Variants in PAX2 observed in about 807,000 individuals in gnomAD.
The protein encoded by PAX2 is paired box 2.
Under a neutral mutation model 41.7 loss-of-function variants are expected in PAX2, and 9 were observed. That is an observed-to-expected ratio of 0.22 (90% CI 0.13 to 0.38). The LOEUF is 0.38. Among genes scored for constraint, PAX2 ranks in the 10% least tolerant of loss-of-function variants. PAX2 has a pLI of 1.00. For missense variants in PAX2, 418 were observed against 531.6 expected (o/e 0.79, Z 2.10); for synonymous variants, 221 against 212.7 (o/e 1.04, Z -0.34).
chr10:100,793,580 A>T (rs551228549), intron 5 of PAX2, among the ~76,000 whole-genome samples: 2 of 152,308 alleles, frequency 1.3e-5, no homozygotes, highest in Admixed American at 1.3e-4. Flanking sequence ...ATTCAAAGTG[A>T]GGAAAGTAAA....
chr10:100,824,569 C>A lies in PAX2; in HGVS notation c.920-79C>A, dbSNP rs1328207991. The stretch of plus-strand genomic sequence containing the variant: ...GCTCTTTCCTCTCCAAGAGTTTCCT[C>A]TCCGTGCAGTACCCTGGTGTGAGTA... On this transcript the variant is annotated intron_variant, in intron 7 of 9. Transcript: ENST00000355243. The surrounding 1 kb of genome is among the most constrained non-coding windows in gnomAD (Gnocchi z 6.6). 2.0e-6 allele frequency: 2 copies of A among 1,008,776 alleles called. No homozygotes were observed. The highest frequency in any genetic ancestry group is 2.0e-4 in the Middle Eastern group (1 of 4,948). The allele number at this position is 1,008,776 out of a possible 1,614,324, so 62.5% of individuals were successfully genotyped here.
chr10:100,812,525 G>C (rs1298653255), intron 7 of PAX2, among the ~76,000 whole-genome samples: 2 of 152,208 alleles, frequency 1.3e-5, no homozygotes, highest in African/African-American at 2.4e-5. Flanking sequence ...GCCCAGAGGG[G>C]CTGCCATCCA....
intron 3 of PAX2, among the ~76,000 whole-genome samples, chr10:100,771,044 C>T (rs529606296): frequency 9.8e-5 from 15 of 152,292 alleles, no homozygotes; most frequent in African/African-American, 3.1e-4. Context: ...AGATGGGACC[C>T]GGTGATTTGC....
At chr10:100,778,642 G>T (rs1846487338) in intron 3 of PAX2, among the ~76,000 whole-genome samples, 1 of 152,144 alleles carries the variant, frequency 6.6e-6, no homozygotes, top group African/African-American at 2.4e-5. Context: ...CCTCCGTCTT[G>T]GCCCTGGGAC....
chr10:100,742,896 C>T (rs532002681), upstream of PAX2, among the ~76,000 whole-genome samples: 51 of 110,750 alleles, frequency 4.6e-4, no homozygotes, highest in African/African-American at 1.4e-3. Flanking sequence ...TTCTTGCTTC[C>T]CCCCACCCCT....
intron 5 of PAX2, among the ~76,000 whole-genome samples, chr10:100,782,765 G>A (rs111529173): frequency 7.2e-5 from 11 of 152,364 alleles, no homozygotes; most frequent in African/African-American, 2.4e-4. Context: ...TTGTTTTGGC[G>A]GCGGCCCCTG....
chr10:100,762,116 C>CA (rs1564713274), intron 3 of PAX2, among the ~76,000 whole-genome samples: 1 of 151,944 alleles, frequency 6.6e-6, no homozygotes, highest in East Asian at 1.9e-4. Flanking sequence ...GTAATCCTAG[C>CA]ACTTTGGGAG....
At chr10:100,786,705 C>T (rs1846879900) in intron 5 of PAX2, among the ~76,000 whole-genome samples, 1 of 152,162 alleles carries the variant, frequency 6.6e-6, no homozygotes, top group Non-Finnish European at 1.5e-5. Flanking sequence ...CAGGCATCAC[C>T]CTACCTTCTG....
At chr10:100,789,552 T>G (rs1248208763) in intron 5 of PAX2, among the ~76,000 whole-genome samples, 3 of 152,216 alleles carry the variant, frequency 2.0e-5, no homozygotes, top group Non-Finnish European at 4.4e-5. Context: ...ATCTATATGA[T>G]GGTAACCATC....
chr10:100,800,041 C>G (rs1847497569), intron 5 of PAX2, among the ~76,000 whole-genome samples: 1 of 151,952 alleles, frequency 6.6e-6, no homozygotes, highest in African/African-American at 2.4e-5. Context: ...TGCCTCAAGC[C>G]TCCCAAGGTG....
rs774231216 is a variant in PAX2 at position 100,750,801 on chromosome 10, C to T, written c.320C>T (p.Pro107Leu). ...ATTGCTGAATACAAACGACAGAACC[C>T]GACTATGTTCGCCTGGGAGATTCGA... is the stretch of plus-strand genomic sequence containing the variant. Reference protein sequence around the residue: ...DKIAEYKRQNPTMFAWEIRDR... With the variant: ...DKIAEYKRQNLTMFAWEIRDR... Residue 107 changes from proline to leucine, a missense_variant, in exon 3 of 10, where the codon CCG becomes CTG. Physicochemically the swap from Pro to Leu is moderately conservative, Grantham distance 98. This residue lies in a region of PAX2 where 108 missense variants were observed against 206.3 expected (regional missense o/e 0.52). Coordinates refer to ENST00000355243, the MANE Select transcript of PAX2 (RefSeq NM_000278.5). The surrounding 1 kb of genome is among the most constrained non-coding windows in gnomAD (Gnocchi z 4.1). 10 of 1,614,182 alleles carry T rather than the reference C, an allele frequency of 6.2e-6. No individual in the cohort carries two copies. Among genetic ancestry groups the T allele is most frequent in the African/African-American group, 2.7e-5 (2 of 75,062 alleles).
intron 3 of PAX2, among the ~76,000 whole-genome samples, chr10:100,777,674 C>T (rs1194248132): frequency 1.3e-5 from 2 of 152,200 alleles, no homozygotes; most frequent in Non-Finnish European, 2.9e-5. Flanking sequence ...GGATTACAGG[C>T]GTGAGCCACT....
Position 100,757,085 on chromosome 10 carries a change from T to C in PAX2, c.410+6194T>C, listed in dbSNP as rs978474320. Among the ~76,000 whole-genome samples the C allele has an allele frequency of 5.3e-5, 8 of 152,246 alleles. 1 individual carries two copies. Among genetic ancestry groups the C allele is most frequent in the African/African-American group, 1.9e-4 (8 of 41,470 alleles). On this transcript the variant is annotated intron_variant, in intron 3 of 9. Transcript: ENST00000355243. ...TGGAACAGGCTATTTGTTTTGGGGC[T>C]AGCAAGGCATGGCTTGAATATATTC...
chr10:100,747,047 C>T (rs1845209175), intron 1 of PAX2: 1 of 152,316 alleles, frequency 6.6e-6, no homozygotes, highest in Non-Finnish European at 1.5e-5. Flanking sequence ...CTTTCCCTGC[C>T]TCTGCCTGGG....
chr10:100,766,380 T>C (rs750772381), intron 3 of PAX2, among the ~76,000 whole-genome samples: 2 of 152,190 alleles, frequency 1.3e-5, no homozygotes, highest in African/African-American at 4.8e-5. Context: ...CATCTAGAGA[T>C]ACTGGGAAGG....
intron 5 of PAX2, among the ~76,000 whole-genome samples, chr10:100,798,881 T>C (rs1402352367): frequency 6.6e-6 from 1 of 152,076 alleles, no homozygotes; most frequent in Non-Finnish European, 1.5e-5. Flanking sequence ...TGTGCCGCCG[T>C]GGGGGTGGGG....
Position 100,750,812 on chromosome 10 carries a change from G to T in PAX2, c.331G>T (p.Ala111Ser). 1 of 1,614,180 alleles carries T rather than the reference G, an allele frequency of 6.2e-7. No homozygotes were observed. Among genetic ancestry groups the T allele is most frequent in the Non-Finnish European group, 8.5e-7 (1 of 1,179,992 alleles). ...CAAACGACAGAACCCGACTATGTTCGCCTGGGAGATTCGAGACCGGCTCCT... is the reference window on the plus strand; with the variant it reads ...CAAACGACAGAACCCGACTATGTTCTCCTGGGAGATTCGAGACCGGCTCCT... ...EYKRQNPTMF[A>S]WEIRDRLLAE... Residue 111 changes from alanine to serine, a missense_variant, in exon 3 of 10, where the codon GCC becomes TCC. By Grantham distance (99) the Ala-to-Ser change is moderately conservative. Transcript: ENST00000355243. This position sits in a 1 kb window ranked among gnomAD's most constrained non-coding sequence, Gnocchi z 4.1.
intron 3 of PAX2, among the ~76,000 whole-genome samples, chr10:100,771,291 G>A (rs1301217653): frequency 3.3e-5 from 5 of 152,134 alleles, no homozygotes; most frequent in African/African-American, 4.8e-5. Flanking sequence ...CTGAAGAATG[G>A]CCTGGCCCTT....
chr10:100,755,624 G>T (rs1033093824), intron 3 of PAX2, among the ~76,000 whole-genome samples: 1 of 152,204 alleles, frequency 6.6e-6, no homozygotes, highest in East Asian at 1.9e-4. Flanking sequence ...AGGAGGCTGC[G>T]TGGAGGGTGG....
Sources: gnomAD v4.1 joint callset for allele counts (sites outside exome capture counted in the v4.1 genomes callset) on GRCh38, gnomAD v4.1.1 for gene constraint, gnomAD v4.1.1 regional missense constraint, Gnocchi (gnomAD v3.1) non-coding constraint, MANE v1.5 for transcripts, NCBI Gene and HGNC (gene_info 2026-07-23, HGNC 2026-07-21) for gene names.